The following MACROD2 variants were observed in gnomAD, a reference collection of about 807,000 sequenced individuals.
The protein encoded by MACROD2 is ADP-ribose glycohydrolase MACROD2.
A neutral mutation model predicts 70.4 loss-of-function variants in MACROD2; 36 were observed. That is an observed-to-expected ratio of 0.51 (90% CI 0.39 to 0.68). The LOEUF (loss-of-function observed/expected upper bound fraction) is 0.68. MACROD2 is among the 30% of genes least tolerant of loss of function. The probability of loss-of-function intolerance (pLI) is 0.00; values close to 1 mark genes in which losing one functional copy is unlikely to be tolerated. For missense variants in MACROD2, 496 were observed against 538.4 expected (o/e 0.92, Z 0.78); for synonymous variants, 172 against 178.8 (o/e 0.96, Z 0.30).
At chr20:15,986,885 G>GGT (rs920508519) in intron 14 of MACROD2, 84 bp downstream of exon 14, 30 of 1,104,632 alleles carry the variant, frequency 2.7e-5, no homozygotes, top group African/African-American at 6.2e-5. Flanking sequence ...GTGTGTGCGT[G>GGT]GTGTGTGTGT....
At chr20:15,373,519 C>T (rs1316625463) in intron 6 of MACROD2, among the ~76,000 whole-genome samples, 1 of 152,272 alleles carries the variant, frequency 6.6e-6, no homozygotes, top group East Asian at 1.9e-4. Context: ...ATCTGCCAGC[C>T]TCAGCTTCCC....
chr20:15,125,526 A>G (rs1163528563), intron 5 of MACROD2, among the ~76,000 whole-genome samples: 2 of 152,106 alleles, frequency 1.3e-5, no homozygotes, highest in Non-Finnish European at 2.9e-5. Flanking sequence ...CACCAAGAAG[A>G]AAGTTTGGGA....
intron 5 of MACROD2, among the ~76,000 whole-genome samples, chr20:15,195,929 AG>A (rs1270901754): frequency 6.6e-6 from 1 of 152,226 alleles, no homozygotes; most frequent in Non-Finnish European, 1.5e-5. Context: ...TGTCTGTTGC[AG>A]GGATATAGAT....
At chr20:14,648,621 C>CATATATGTATAT (rs1985518308) in intron 4 of MACROD2, among the ~76,000 whole-genome samples, 1 of 148,734 alleles carries the variant, frequency 6.7e-6, no homozygotes, top group African/African-American at 2.5e-5. Flanking sequence ...TTTATTTAAA[C>CATATATGTATAT]ATATATATAT....
At chr20:14,767,629 ACTTT>A (rs754128324) in intron 5 of MACROD2, among the ~76,000 whole-genome samples, 18 of 151,786 alleles carry the variant, frequency 1.2e-4, no homozygotes, top group Non-Finnish European at 2.4e-4. Flanking sequence ...TGTCTAATTT[ACTTT>A]CTTTCTTTTT....
chr20:15,639,753 C>A (rs1347372188), intron 8 of MACROD2, among the ~76,000 whole-genome samples: 1 of 152,174 alleles, frequency 6.6e-6, no homozygotes, highest in African/African-American at 2.4e-5. Context: ...GACCTCAAGC[C>A]TCTTTCCTAC....
chr20:14,088,262 A>G (rs1319125847), intron 3 of MACROD2, among the ~76,000 whole-genome samples: 1 of 149,492 alleles, frequency 6.7e-6, no homozygotes, highest in Non-Finnish European at 1.5e-5. Context: ...CCCGGGAGGC[A>G]GAGGTTGCAG....
chr20:14,229,974 TTATAC>T (rs1407588100), intron 3 of MACROD2, among the ~76,000 whole-genome samples: 1 of 152,226 alleles, frequency 6.6e-6, no homozygotes, highest in Non-Finnish European at 1.5e-5. Context: ...AAAATTATGT[TTATAC>T]TATACTTTAG....
chr20:15,323,991 T>G (rs2077900306), intron 6 of MACROD2, among the ~76,000 whole-genome samples: 1 of 152,164 alleles, frequency 6.6e-6, no homozygotes, highest in South Asian at 2.1e-4. Flanking sequence ...TTTTGTTTTC[T>G]GTGATGCTCA....
intron 6 of MACROD2, among the ~76,000 whole-genome samples, chr20:15,383,625 C>T (rs528267287): frequency 3.3e-5 from 5 of 152,274 alleles, no homozygotes; most frequent in South Asian, 4.1e-4. Context: ...AATTGCATTT[C>T]CTTCTCCCTA....
chr20:15,037,686 T>C (rs2075324344), intron 5 of MACROD2, among the ~76,000 whole-genome samples: 1 of 152,086 alleles, frequency 6.6e-6, no homozygotes. Context: ...TTTAACTCTT[T>C]TTTTTTTTGA....
chr20:14,023,265 ATTTG>A, intron 2 of MACROD2, among the ~76,000 whole-genome samples: 1 of 152,152 alleles, frequency 6.6e-6, no homozygotes, highest in East Asian at 1.9e-4. Context: ...TTTCTTGTAA[ATTTG>A]TTTAAGTTCC....
chr20:15,174,478 C>A (rs1488760616), intron 5 of MACROD2, among the ~76,000 whole-genome samples: 1 of 152,114 alleles, frequency 6.6e-6, no homozygotes, highest in East Asian at 1.9e-4. Flanking sequence ...GTGCATGTGT[C>A]TTTATAGCAG....
At chr20:14,317,620 A>G (rs1396322918) in intron 3 of MACROD2, among the ~76,000 whole-genome samples, 4 of 145,526 alleles carry the variant, frequency 2.7e-5, no homozygotes, top group Non-Finnish European at 5.9e-5. Flanking sequence ...CTGTCTCAAA[A>G]AAAAAAAAAA....
intron 5 of MACROD2, among the ~76,000 whole-genome samples, chr20:14,812,275 A>G (rs1487154768): frequency 6.6e-6 from 1 of 151,814 alleles, no homozygotes; most frequent in Middle Eastern, 3.2e-3. Flanking sequence ...ATGTGGGGAC[A>G]TGGGTGAAGC....
chr20:14,902,188 AT>A (rs2073902783), intron 5 of MACROD2, among the ~76,000 whole-genome samples: 1 of 152,248 alleles, frequency 6.6e-6, no homozygotes, highest in Non-Finnish European at 1.5e-5. Flanking sequence ...TAGGAATACA[AT>A]TTTTTTTAAA....
intron 3 of MACROD2, among the ~76,000 whole-genome samples, chr20:14,490,000 A>C (rs1344811835): frequency 6.6e-6 from 1 of 152,078 alleles, no homozygotes; most frequent in East Asian, 1.9e-4. Context: ...CATGGTTGAC[A>C]TAAGTTACCT....
intron 5 of MACROD2, among the ~76,000 whole-genome samples, chr20:15,100,257 T>G (rs2123191289): frequency 6.6e-6 from 1 of 152,254 alleles, no homozygotes; most frequent in East Asian, 1.9e-4. Flanking sequence ...TTCACCTGAT[T>G]TTTTTTCTTT....
At chr20:14,147,461 A>G (rs554906052) in intron 3 of MACROD2, among the ~76,000 whole-genome samples, 1 of 152,296 alleles carries the variant, frequency 6.6e-6, no homozygotes, top group South Asian at 2.1e-4. Flanking sequence ...GTAAGCTCCT[A>G]ATGTTAACTA....
Sources: allele counts gnomAD v4.1 joint callset (sites outside exome capture counted in the v4.1 genomes callset), GRCh38; gene constraint gnomAD v4.1.1; transcripts MANE v1.5; gene names NCBI Gene and HGNC (gene_info 2026-07-23, HGNC 2026-07-21).